CIMIP6: variants seen among roughly 807,000 people sequenced by gnomAD.
The protein encoded by CIMIP6 is ciliary microtubule inner protein 6, also known as uncharacterized protein C2orf73.
the CIMIP6 span, among the ~76,000 whole-genome samples, chr2:54,375,956 G>A: frequency 1.3e-5 from 2 of 151,924 alleles, no homozygotes; most frequent in African/African-American, 4.8e-5. Context: ...GGAAAGTAGA[G>A]ATAAAGAAGC....
chr2:54,359,591 T>TAATAAC, the CIMIP6 span, among the ~76,000 whole-genome samples: 6 of 147,184 alleles, frequency 4.1e-5, no homozygotes, highest in Non-Finnish European at 7.4e-5. Context: ...GTCTCATTTC[T>TAATAAC]AATAACAATA....
the CIMIP6 span, chr2:54,360,223 G>A: frequency 1.9e-6 from 3 of 1,596,824 alleles, no homozygotes; most frequent in East Asian, 4.5e-5. Context: ...CTTTTGTACA[G>A]AGAGAGATAA....
the CIMIP6 span, among the ~76,000 whole-genome samples, chr2:54,380,689 T>C: frequency 2.0e-5 from 3 of 152,200 alleles, no homozygotes; most frequent in Non-Finnish European, 4.4e-5. Context: ...CTATGTGTCC[T>C]CCACACCTAG....
chr2:54,375,083 T>C, the CIMIP6 span, among the ~76,000 whole-genome samples: 2 of 152,144 alleles, frequency 1.3e-5, no homozygotes, highest in East Asian at 1.9e-4. Flanking sequence ...TACCAGCATT[T>C]AAAAATATCC....
chr2:54,359,027 C>G, the CIMIP6 span: 1 of 1,555,566 alleles, frequency 6.4e-7, no homozygotes, highest in African/African-American at 1.4e-5. Context: ...CTCTTTTATA[C>G]ATCAATATGA....
chr2:54,377,987 G>A, the CIMIP6 span, among the ~76,000 whole-genome samples: 11 of 152,220 alleles, frequency 7.2e-5, no homozygotes, highest in African/African-American at 9.6e-5. Context: ...CAGGAGCTTA[G>A]TACATGTGAG....
chr2:54,373,092 C>T, the CIMIP6 span, among the ~76,000 whole-genome samples: 18 of 152,056 alleles, frequency 1.2e-4, no homozygotes, highest in Admixed American at 2.0e-4. Context: ...GTCCCTTCTC[C>T]GTACTGCAGC....
chr2:54,378,319 C>T, the CIMIP6 span, among the ~76,000 whole-genome samples: 2 of 152,238 alleles, frequency 1.3e-5, no homozygotes, highest in Non-Finnish European at 2.9e-5. Flanking sequence ...CGAAAAATCC[C>T]AGCCTCACAC....
chr2:54,363,312 C>G, the CIMIP6 span, among the ~76,000 whole-genome samples: 1 of 152,110 alleles, frequency 6.6e-6, no homozygotes, highest in Non-Finnish European at 1.5e-5. Context: ...GTCTGATGAG[C>G]TCTTTGGTCT....
the CIMIP6 span, among the ~76,000 whole-genome samples, chr2:54,371,427 C>G: frequency 3.3e-5 from 5 of 152,204 alleles, no homozygotes; most frequent in African/African-American, 1.2e-4. Context: ...CTTGGGCAGG[C>G]ACATCTAGGC....
the CIMIP6 span, chr2:54,361,624 T>G: frequency 6.6e-6 from 1 of 152,224 alleles, no homozygotes; most frequent in Non-Finnish European, 1.5e-5. Context: ...GACTTCTAGT[T>G]CTTGCCACAT....
the CIMIP6 span, chr2:54,343,727 G>C: frequency 6.3e-7 from 1 of 1,590,654 alleles, no homozygotes; most frequent in Non-Finnish European, 8.5e-7. Flanking sequence ...AAGGGTGACT[G>C]GTGGTCACAT....
chr2:54,359,701 G>A, the CIMIP6 span, among the ~76,000 whole-genome samples: 2 of 151,932 alleles, frequency 1.3e-5, no homozygotes, highest in Non-Finnish European at 2.9e-5. Flanking sequence ...TGCATGTAAG[G>A]TTTATAAAGC....
chr2:54,372,329 T>C, the CIMIP6 span, among the ~76,000 whole-genome samples: 1 of 152,180 alleles, frequency 6.6e-6, no homozygotes, highest in Non-Finnish European at 1.5e-5. Context: ...AGCCTCATCT[T>C]CAGTCGGTTG....
the CIMIP6 span, chr2:54,330,929 C>T: frequency 1.3e-6 from 2 of 1,598,748 alleles, no homozygotes; most frequent in Non-Finnish European, 1.7e-6. Context: ...GGGCTGCGTC[C>T]CTGTTCTTCC....
At chr2:54,341,465 C>G in the CIMIP6 span, among the ~76,000 whole-genome samples, 6 of 152,150 alleles carry the variant, frequency 3.9e-5, no homozygotes, top group Non-Finnish European at 8.8e-5. Context: ...AATTTCTGAT[C>G]CTTATAAATT....
At chr2:54,331,461 G>T in the CIMIP6 span, among the ~76,000 whole-genome samples, 1 of 152,028 alleles carries the variant, frequency 6.6e-6, no homozygotes, top group Non-Finnish European at 1.5e-5. Context: ...TTACAGCCCA[G>T]GTTAGATCGC....
chr2:54,367,086 A>T, the CIMIP6 span, among the ~76,000 whole-genome samples: 1 of 152,110 alleles, frequency 6.6e-6, no homozygotes, highest in Non-Finnish European at 1.5e-5. Context: ...TTGATTAATC[A>T]CTGTGCTTCA....
the CIMIP6 span, among the ~76,000 whole-genome samples, chr2:54,369,783 TAG>T: frequency 6.6e-6 from 1 of 152,184 alleles, no homozygotes; most frequent in Non-Finnish European, 1.5e-5. Context: ...CCAAAGTTGC[TAG>T]AGTTATTAAA....
Sources: gnomAD v4.1 joint callset for allele counts (sites outside exome capture counted in the v4.1 genomes callset) on GRCh38, gnomAD v4.1.1 for gene constraint, MANE v1.5 for transcripts, NCBI Gene and HGNC (gene_info 2026-07-23, HGNC 2026-07-21) for gene names.